Variants in HIF1A observed in about 807,000 individuals in gnomAD.
HIF1A encodes the protein hypoxia inducible factor 1 subunit alpha, also known as hypoxia-inducible factor 1-alpha.
HIF1A carries 24 observed loss-of-function variants against 92.7 expected under a neutral mutation model. That is an observed-to-expected ratio of 0.26 (90% CI 0.19 to 0.36). HIF1A has a LOEUF of 0.36. Ranked by LOEUF, HIF1A falls within the 10% of genes least tolerant of loss-of-function variation. The pLI, the probability that HIF1A is intolerant of heterozygous loss-of-function variation, is 1.00. For missense variants in HIF1A, 799 were observed against 998.5 expected (o/e 0.80, Z 2.69); for synonymous variants, 319 against 338.7 (o/e 0.94, Z 0.64).
intron 1 of HIF1A, 52 bp downstream of exon 1, chr14:61,695,891 C>T (rs770578734): frequency 3.3e-6 from 5 of 1,522,022 alleles, no homozygotes; most frequent in Non-Finnish European, 4.5e-6. Flanking sequence ...CCCCGCCCGC[C>T]TGCCCGCCCT....
intron 6 of HIF1A, among the ~76,000 whole-genome samples, chr14:61,728,499 A>T (rs2044535335): frequency 6.6e-6 from 1 of 152,180 alleles, no homozygotes. Context: ...CCCCCAAACA[A>T]CATCATCATC....
chr14:61,720,942 T>G (rs1005548833), intron 2 of HIF1A, among the ~76,000 whole-genome samples: 2 of 152,156 alleles, frequency 1.3e-5, no homozygotes, highest in Non-Finnish European at 2.9e-5. Context: ...CCTTTCTTCC[T>G]TTAAAAAACA....
Position 61,747,058 on chromosome 14 carries a change from A to G in HIF1A, c.2454A>G (p.Leu818=), listed in dbSNP as rs1434851318. ...GAAACCTACTGCAGGGTGAAGAATTACTCAGAGCTTTGGATCAAGTTAACT... is the reference window on the plus strand; with the variant it reads ...GAAACCTACTGCAGGGTGAAGAATTGCTCAGAGCTTTGGATCAAGTTAACT... ...GSRNLLQGEE[L]LRALDQVN Residue 818 remains leucine, a synonymous_variant, in exon 15 of 15, where the codon TTA becomes TTG. Transcript: ENST00000337138. 6.2e-7 allele frequency: 1 copy of G among 1,610,772 alleles called. No individual in the cohort carries two copies. Among genetic ancestry groups the G allele is most frequent in the Non-Finnish European group, 8.5e-7 (1 of 1,179,302 alleles).
intron 12 of HIF1A, among the ~76,000 whole-genome samples, chr14:61,742,619 C>T (rs2140158703): frequency 6.6e-6 from 1 of 152,230 alleles, no homozygotes; most frequent in East Asian, 1.9e-4. Flanking sequence ...GGCGCAGTGG[C>T]TCATCACTGT....
At chr14:61,706,036 C>T (rs2044236050) in intron 1 of HIF1A, among the ~76,000 whole-genome samples, 1 of 152,064 alleles carries the variant, frequency 6.6e-6, no homozygotes, top group African/African-American at 2.4e-5. Flanking sequence ...ATTTCAAGGA[C>T]ACATTCTTCT....
At chr14:61,695,921 G>C (rs1047579266) in intron 1 of HIF1A, 82 bp downstream of exon 1, 9 of 1,308,532 alleles carry the variant, frequency 6.9e-6, no homozygotes, top group Non-Finnish European at 9.6e-6. Flanking sequence ...GGCCGGCCTC[G>C]GCGTTAATGG....
intron 6 of HIF1A, among the ~76,000 whole-genome samples, chr14:61,730,758 CTT>C (rs1172193873): frequency 1.3e-5 from 2 of 152,118 alleles, no homozygotes; most frequent in Non-Finnish European, 2.9e-5. Context: ...TGAGTTTTGT[CTT>C]TGCATTTTCA....
At chr14:61,703,497 T>A (rs1197213646) in intron 1 of HIF1A, among the ~76,000 whole-genome samples, 1 of 152,212 alleles carries the variant, frequency 6.6e-6, no homozygotes, top group Non-Finnish European at 1.5e-5. Context: ...GTCTTGATAT[T>A]ACTTGGCTTG....
At chr14:61,715,127 C>G (rs1259457710) in intron 1 of HIF1A, among the ~76,000 whole-genome samples, 1 of 152,098 alleles carries the variant, frequency 6.6e-6, no homozygotes, top group Admixed American at 6.5e-5. Flanking sequence ...AATAGCTGCT[C>G]TGTACAAATA....
chr14:61,746,224 C>CAAA (rs912286333), intron 14 of HIF1A, among the ~76,000 whole-genome samples: 9 of 69,428 alleles, frequency 1.3e-4, no homozygotes, highest in African/African-American at 4.6e-4. Context: ...GACTCTGCCT[C>CAAA]AAAAAAAAAA....
chr14:61,746,085 G>A (rs567018236), intron 14 of HIF1A, among the ~76,000 whole-genome samples: 4 of 152,048 alleles, frequency 2.6e-5, no homozygotes, highest in East Asian at 1.9e-4. Context: ...TTAGCTGGGC[G>A]TGGTGGCGGG....
At chr14:61,720,344 A>C (rs1210940615) in intron 1 of HIF1A, 38 bp from the exon 2 acceptor site, 1 of 1,513,364 alleles carries the variant, frequency 6.6e-7, no homozygotes, top group Non-Finnish European at 9.0e-7. Context: ...ACTTGTATAC[A>C]CTTTCCATCT....
At position 61,734,246 on chromosome 14, in the gene HIF1A, C is replaced by A. The variant is rs2044609595; in HGVS notation, c.989C>A (p.Ser330Tyr). Residue 330 changes from serine (S) to tyrosine (Y), a missense_variant, in exon 8 of 15, where the codon TCT (serine) becomes TAT (tyrosine). Physicochemically the swap from Ser to Tyr is moderately radical, Grantham distance 144. Coordinates refer to ENST00000337138, the MANE Select transcript of HIF1A (RefSeq NM_001530.4). ...QATVIYNTKN[S>Y]QPQCIVCVNY... ...ACTGTCATATATAACACCAAGAATT[C>A]TCAACCACAGTGCATTGTATGTGTG... 6.2e-7 allele frequency: 1 copy of A among 1,612,956 alleles called. No homozygotes were observed. The highest frequency in any genetic ancestry group is 8.5e-7 in the Non-Finnish European group (1 of 1,179,348).
rs781619039 is a variant in HIF1A, at chr14:61,738,138, T to A, written c.1301T>A (p.Val434Glu). The A allele has an allele frequency of 1.9e-6, 3 of 1,613,542 alleles. No homozygotes were observed. The highest frequency in any genetic ancestry group is 2.7e-5 in the African/African-American group (2 of 74,896). Residue 434 changes from valine (V) to glutamate (E), a missense_variant, in exon 10 of 15, where the codon GTA (valine) becomes GAA (glutamate). This residue lies in a region of HIF1A where 516 missense variants were observed against 721.0 expected (regional missense o/e 0.72). Transcript: ENST00000337138. Reference protein sequence around the residue: ...QLEEVPLYNDVMLPSPNEKLQ... With the variant: ...QLEEVPLYNDEMLPSPNEKLQ... Reference sequence around the variant, plus strand: ...GAGGAAGTACCATTATATAATGATGTAATGCTCCCCTCACCCAACGAAAAA... The same window carrying A: ...GAGGAAGTACCATTATATAATGATGAAATGCTCCCCTCACCCAACGAAAAA...
In HIF1A at chr14:61,745,980, T is replaced by G. The variant is rs181618115; in HGVS notation, c.2329+163T>G. Among the ~76,000 whole-genome samples, 1,358 of 152,294 alleles carry G rather than the reference T, an allele frequency of 8.9e-3. 14 individuals carry two copies. The highest frequency in any genetic ancestry group is 0.03 in the African/African-American group (1,258 of 41,562). Reference sequence around the variant, plus strand: ...GGCTCACACCTGTAATCCCAGCACTTTGGGAGGCCGAGGCAGCCAGATCAT... The same window carrying G: ...GGCTCACACCTGTAATCCCAGCACTGTGGGAGGCCGAGGCAGCCAGATCAT... On this transcript the variant is annotated intron_variant, in intron 14 of 14. Transcript: ENST00000337138.
chr14:61,707,550 C>T (rs1237033291), intron 1 of HIF1A, among the ~76,000 whole-genome samples: 12 of 151,806 alleles, frequency 7.9e-5, no homozygotes, highest in East Asian at 1.9e-4. Context: ...AGTGAGAACA[C>T]GCGGTGTTTG....
chr14:61,748,143 T>C lies in HIF1A; in HGVS notation c.*1058T>C, dbSNP rs1350125414. The C allele has an allele frequency of 1.3e-5, 2 of 152,564 alleles. No homozygotes were observed. Among genetic ancestry groups the C allele is most frequent in the East Asian group, 3.8e-4 (2 of 5,202 alleles). The allele number at this position is 152,564 out of a possible 1,614,324, so 9.5% of individuals were successfully genotyped here. The stretch of plus-strand genomic sequence containing the variant: ...GAATATATAGTTGTCACAGTAAATA[T>C]CTTGTTTTTTCTATGTACATTGTAC... On this transcript the variant is annotated 3_prime_UTR_variant, in exon 15 of 15. Transcript: ENST00000337138.
At position 61,744,569 on chromosome 14, in the gene HIF1A, A is replaced by T. The variant is rs1376590721; in HGVS notation, c.2094-136A>T. The stretch of plus-strand genomic sequence containing the variant: ...ACTTTTAAGATGATAAACTTTAGTG[A>T]TCAGGAAAGTTATCTTATGTATATT... On this transcript the variant is annotated intron_variant, in intron 12 of 14. Transcript: ENST00000337138. 9.4e-5 allele frequency: 40 copies of T among 425,630 alleles called. No individual in the cohort carries two copies. The East Asian group carries it at 1.5e-3, about 16-fold the overall frequency. The allele number at this position is 425,630 out of a possible 1,614,324, so 26.4% of individuals were successfully genotyped here. A position where few individuals can be genotyped will look rare whatever the true frequency, so the allele number is the denominator to read the frequency against.
chr14:61,717,547 T>C (rs1206680831), intron 1 of HIF1A, among the ~76,000 whole-genome samples: 1 of 152,200 alleles, frequency 6.6e-6, no homozygotes, highest in Non-Finnish European at 1.5e-5. Flanking sequence ...TCAGTCTTAT[T>C]TTCAGTCTAC....
Sources: gnomAD v4.1 joint callset for allele counts (sites outside exome capture counted in the v4.1 genomes callset) on GRCh38, gnomAD v4.1.1 for gene constraint, gnomAD v4.1.1 regional missense constraint, MANE v1.5 for transcripts, NCBI Gene and HGNC (gene_info 2026-07-23, HGNC 2026-07-21) for gene names.